Variants in NRXN3 observed in about 807,000 individuals in gnomAD.
The protein encoded by NRXN3 is neurexin 3, also known as neurexin III.
Under a neutral mutation model 137.6 loss-of-function variants are expected in NRXN3, and 32 were observed. That is an observed-to-expected ratio of 0.23 (90% CI 0.18 to 0.31). The LOEUF is 0.31. NRXN3 is among the 10% of genes least tolerant of loss of function. The probability of loss-of-function intolerance (pLI) is 1.00; values close to 1 mark genes in which losing one functional copy is unlikely to be tolerated. For synonymous variants in NRXN3, 798 were observed against 784.5 expected, an observed-to-expected ratio of 1.02 and a Z score of -0.29; for missense variants, 1,574 against 2,062.5, an observed-to-expected ratio of 0.76 and a Z score of 4.59.
rs17109448 is a variant in NRXN3 at position 79,563,490 on chromosome 14, C to T, written c.3444+96088C>T. Among the ~76,000 whole-genome samples the T allele has an allele frequency of 0.023, 3,446 of 152,034 alleles. 180 individuals are homozygous for T. In the East Asian group the frequency reaches 0.24, roughly 11 times the overall value. The stretch of plus-strand genomic sequence containing the variant: ...TGGAAGTAATGAAGATATTTAACGT[C>T]CTGAAAATTCTAGTCTAAGCTTTGA... On this transcript the variant is annotated intron_variant, in intron 16 of 20. Coordinates refer to ENST00000335750, the MANE Select transcript of NRXN3 (RefSeq NM_001330195.2).
At chr14:78,892,141 A>G (rs1255296637) in intron 10 of NRXN3, among the ~76,000 whole-genome samples, 1 of 151,974 alleles carries the variant, frequency 6.6e-6, no homozygotes, top group Non-Finnish European at 1.5e-5. Context: ...CTGGGGGTCT[A>G]GCAATTTATG....
At chr14:78,961,296 A>G (rs1286853096) in intron 11 of NRXN3, among the ~76,000 whole-genome samples, 1 of 152,058 alleles carries the variant, frequency 6.6e-6, no homozygotes, top group Non-Finnish European at 1.5e-5. Context: ...TTGACCAGGA[A>G]CCTCATGTGT....
intron 15 of NRXN3, among the ~76,000 whole-genome samples, chr14:79,457,020 G>A (rs538336290): frequency 6.7e-6 from 1 of 150,270 alleles, no homozygotes; most frequent in South Asian, 2.1e-4. Context: ...GAGAGGCACT[G>A]ATGGAGTGTT....
At chr14:79,110,222 G>A (rs891473707) in intron 15 of NRXN3, among the ~76,000 whole-genome samples, 5 of 152,160 alleles carry the variant, frequency 3.3e-5, no homozygotes, top group Non-Finnish European at 7.4e-5. Context: ...CAGAAAAACT[G>A]AAGAGAGTTA....
chr14:79,842,412 C>T (rs1477658609), intron 20 of NRXN3, among the ~76,000 whole-genome samples: 2 of 152,076 alleles, frequency 1.3e-5, no homozygotes, highest in East Asian at 1.9e-4. Context: ...AGGGATGTTC[C>T]TGGAAGGGAA....
At chr14:78,271,693 C>T (rs927270730) in intron 2 of NRXN3, among the ~76,000 whole-genome samples, 1 of 152,150 alleles carries the variant, frequency 6.6e-6, no homozygotes, top group Non-Finnish European at 1.5e-5. Flanking sequence ...CGCTGCCTGC[C>T]CAGGCTGACT....
intron 10 of NRXN3, among the ~76,000 whole-genome samples, chr14:78,892,809 T>A (rs899545421): frequency 6.6e-6 from 1 of 150,936 alleles, no homozygotes; most frequent in Non-Finnish European, 1.5e-5. Context: ...TGTGTGTGTG[T>A]GTGGTGTTTG....
chr14:79,698,005 T>A, intron 19 of NRXN3, 68 bp downstream of exon 19: 1 of 1,393,604 alleles, frequency 7.2e-7, no homozygotes, highest in Non-Finnish European at 1.0e-6. Flanking sequence ...TCATGGTCAT[T>A]GCTTTATGTA....
At chr14:79,158,709 A>G (rs747670208) in intron 15 of NRXN3, among the ~76,000 whole-genome samples, 1 of 151,848 alleles carries the variant, frequency 6.6e-6, no homozygotes, top group Non-Finnish European at 1.5e-5. Context: ...ATTTCTCAAC[A>G]TAAGCTCCAT....
At chr14:79,733,147 G>C (rs114344959) in intron 19 of NRXN3, among the ~76,000 whole-genome samples, 2,671 of 152,218 alleles carry the variant, frequency 0.018, 83 homozygotes, top group African/African-American at 0.058. Context: ...TGGGGGTGAA[G>C]GGAAGATGGA....
At chr14:79,754,902 C>G (rs973812818) in intron 19 of NRXN3, among the ~76,000 whole-genome samples, 7 of 152,060 alleles carry the variant, frequency 4.6e-5, no homozygotes, top group African/African-American at 1.7e-4. Flanking sequence ...CTGCTCTTCC[C>G]TTCTTTAAGC....
chr14:79,278,238 A>C (rs1052453043), intron 15 of NRXN3, among the ~76,000 whole-genome samples: 1 of 152,172 alleles, frequency 6.6e-6, no homozygotes, highest in Non-Finnish European at 1.5e-5. Context: ...TTTTTACCCA[A>C]GGTGAATGGT....
intron 16 of NRXN3, among the ~76,000 whole-genome samples, chr14:79,549,225 T>C (rs2097350814): frequency 6.6e-6 from 1 of 152,134 alleles, no homozygotes; most frequent in Non-Finnish European, 1.5e-5. Flanking sequence ...ACAAAACCTC[T>C]TAACCTAAAA....
intron 15 of NRXN3, among the ~76,000 whole-genome samples, chr14:79,335,507 A>G (rs2092179662): frequency 6.6e-6 from 1 of 152,118 alleles, no homozygotes; most frequent in African/African-American, 2.4e-5. Flanking sequence ...AGTTTATGCT[A>G]TATTCTGTAC....
At chr14:79,506,333 A>G (rs566935368) in intron 16 of NRXN3, among the ~76,000 whole-genome samples, 2 of 152,318 alleles carry the variant, frequency 1.3e-5, no homozygotes, top group East Asian at 3.9e-4. Flanking sequence ...CTCTTTACAC[A>G]AAACTACACA....
At chr14:79,791,322 T>C (rs751500580) in intron 19 of NRXN3, 9 of 151,850 alleles carry the variant, frequency 5.9e-5, no homozygotes, top group Admixed American at 4.6e-4. Context: ...CTAACTTCCA[T>C]TAAGAGAAAA....
intron 15 of NRXN3, among the ~76,000 whole-genome samples, chr14:79,255,246 G>T (rs923302343): frequency 2.0e-5 from 3 of 152,208 alleles, no homozygotes; most frequent in Admixed American, 6.5e-5. Context: ...AGCCTCCATA[G>T]TGCCGTCATA....
At chr14:78,708,986 C>A (rs2098383679) in intron 6 of NRXN3, among the ~76,000 whole-genome samples, 1 of 152,142 alleles carries the variant, frequency 6.6e-6, no homozygotes, top group African/African-American at 2.4e-5. Context: ...AGAAATTGGC[C>A]AGGAGACAAA....
chr14:79,453,529 C>T (rs2096210784), intron 15 of NRXN3, among the ~76,000 whole-genome samples: 2 of 152,110 alleles, frequency 1.3e-5, no homozygotes, highest in Non-Finnish European at 2.9e-5. Context: ...TCTTGCAGGT[C>T]TTCCAAATAC....
Sources: allele counts gnomAD v4.1 joint callset (sites outside exome capture counted in the v4.1 genomes callset), GRCh38; gene constraint gnomAD v4.1.1; transcripts MANE v1.5; gene names NCBI Gene and HGNC (gene_info 2026-07-23, HGNC 2026-07-21).